Variants in CNTNAP4 observed in about 807,000 individuals in gnomAD.
CNTNAP4 encodes contactin associated protein family member 4, also known as contactin-associated protein-like 4.
A neutral mutation model predicts 148.4 loss-of-function variants in CNTNAP4; 98 were observed. The ratio of observed to expected loss-of-function variants is 0.66; its 90% CI spans 0.56 to 0.78. The LOEUF is 0.78. Ranked by LOEUF, CNTNAP4 falls within the 30% of genes least tolerant of loss-of-function variation. The probability of loss-of-function intolerance (pLI) is 0.00; values close to 1 mark genes in which losing one functional copy is unlikely to be tolerated. For missense variants in CNTNAP4, 1,935 were observed against 1,565.6 expected (o/e 1.24, Z -3.98); for synonymous variants, 730 against 565.1 (o/e 1.29, Z -4.14).
chr16:76,538,390 C>T, intron 19 of CNTNAP4, 50 bp downstream of exon 19: 2 of 1,313,652 alleles, frequency 1.5e-6, no homozygotes, highest in Non-Finnish European at 2.2e-6. Context: ...AACACTAGCT[C>T]TGTAATAATA....
In CNTNAP4 at chr16:76,427,446, T is replaced by G. The variant is rs750133256; in HGVS notation, c.391-6T>G. On this transcript the variant is annotated splice_polypyrimidine_tract_variant and splice_region_variant and intron_variant, in intron 3 of 23. Coordinates refer to ENST00000611870, the MANE Select transcript of CNTNAP4 (RefSeq NM_033401.5). ...CATTGATGTGCTTCTTTCCCTTTTC[T>G]TTTAGGGTTTTTCAGGAAATGCAAA... 1 of 1,601,834 alleles carries G rather than the reference T, an allele frequency of 6.2e-7. No homozygotes were observed.
At chr16:76,494,082 T>TA (rs1004113333) in intron 13 of CNTNAP4, among the ~76,000 whole-genome samples, 2 of 53,864 alleles carry the variant, frequency 3.7e-5, no homozygotes, top group African/African-American at 8.4e-5. Flanking sequence ...TTTTCCTCCA[T>TA]ACTTTTTTTT....
chr16:76,364,967 G>A (rs2013930870), intron 3 of CNTNAP4, among the ~76,000 whole-genome samples: 1 of 152,108 alleles, frequency 6.6e-6, no homozygotes, highest in African/African-American at 2.4e-5. Context: ...GGTCCTGAAT[G>A]GTATTGCCTA....
chr16:76,280,561 T>G (rs1055591016), intron 1 of CNTNAP4, among the ~76,000 whole-genome samples: 1 of 152,164 alleles, frequency 6.6e-6, no homozygotes, highest in East Asian at 1.9e-4. Flanking sequence ...ATATGTTGAA[T>G]GAACCACGCT....
chr16:76,421,039 C>T (rs1170754871), intron 3 of CNTNAP4, among the ~76,000 whole-genome samples: 1 of 151,954 alleles, frequency 6.6e-6, no homozygotes, highest in African/African-American at 2.4e-5. Context: ...TGTGTTTCAA[C>T]AATAGTTACA....
At position 76,447,921 on chromosome 16, in the gene CNTNAP4, T is replaced by C. The variant is rs1346156274; in HGVS notation, c.539-91T>C. ...GTATATGCATGTGTATGAGTACGTA[T>C]ACTGCCTTTTCTCAATATATAATGC... On this transcript the variant is annotated intron_variant, in intron 4 of 23. Coordinates refer to ENST00000611870, the MANE Select transcript of CNTNAP4 (RefSeq NM_033401.5). 11 of 866,056 alleles carry C rather than the reference T, an allele frequency of 1.3e-5. No homozygotes were observed. The East Asian group carries it at 2.8e-4, about 22-fold the overall frequency. The allele number at this position is 866,056 out of a possible 1,614,324, so 53.6% of individuals were successfully genotyped here. A position where few individuals can be genotyped will look rare whatever the true frequency, so the allele number is the denominator to read the frequency against.
intron 7 of CNTNAP4, among the ~76,000 whole-genome samples, chr16:76,450,572 A>G (rs866949764): frequency 1.2e-4 from 18 of 152,360 alleles, no homozygotes; most frequent in Admixed American, 5.9e-4. Context: ...GTATTTTGCC[A>G]TAGTCATTCA....
intron 17 of CNTNAP4, among the ~76,000 whole-genome samples, chr16:76,525,636 TAC>T (rs1179791082): frequency 3.1e-5 from 3 of 97,426 alleles, no homozygotes; most frequent in Admixed American, 1.9e-4. Context: ...AGTTTATAAC[TAC>T]ATATAAACTA....
chr16:76,326,569 C>T (rs907437221), intron 2 of CNTNAP4, among the ~76,000 whole-genome samples: 1 of 152,090 alleles, frequency 6.6e-6, no homozygotes, highest in African/African-American at 2.4e-5. Flanking sequence ...CAATGATAGA[C>T]TGGATTAAGA....
chr16:76,321,145 T>C (rs1311211823), intron 2 of CNTNAP4, among the ~76,000 whole-genome samples: 1 of 152,226 alleles, frequency 6.6e-6, no homozygotes, highest in Non-Finnish European at 1.5e-5. Flanking sequence ...ACCCTTCTAT[T>C]CTAAATGGTT....
At chr16:76,381,340 C>T (rs1469872117) in intron 3 of CNTNAP4, among the ~76,000 whole-genome samples, 3 of 152,054 alleles carry the variant, frequency 2.0e-5, no homozygotes, top group African/African-American at 7.2e-5. Context: ...CCTCCCAGTG[C>T]CCCCTCCCAC....
At chr16:76,332,812 G>T (rs996163348) in intron 2 of CNTNAP4, among the ~76,000 whole-genome samples, 1 of 151,986 alleles carries the variant, frequency 6.6e-6, no homozygotes, top group African/African-American at 2.4e-5. Flanking sequence ...TTCCACTTCA[G>T]TTCAGTTTGG....
Position 76,384,656 on chromosome 16 carries a change from A to G in CNTNAP4, c.390+29145A>G, listed in dbSNP as rs924884933. On this transcript the variant is annotated intron_variant, in intron 3 of 23. Coordinates refer to ENST00000611870, the MANE Select transcript of CNTNAP4 (RefSeq NM_033401.5). ...GATTCCGCGCTCCTCTCTCAGGAACAGTCATGGTAGGCGATTGGAAGTGGC... is the reference window on the plus strand; with the variant it reads ...GATTCCGCGCTCCTCTCTCAGGAACGGTCATGGTAGGCGATTGGAAGTGGC... 2.6e-5 allele frequency among the ~76,000 whole-genome samples: 4 copies of G among 152,264 alleles called. No individual in the cohort carries two copies. In the East Asian group the frequency reaches 5.8e-4, roughly 22 times the overall value.
chr16:76,392,150 C>A (rs895130267), intron 3 of CNTNAP4, among the ~76,000 whole-genome samples: 4 of 152,040 alleles, frequency 2.6e-5, no homozygotes, highest in African/African-American at 4.8e-5. Flanking sequence ...TGTGCCACCA[C>A]ACCCAGCTAA....
intron 21 of CNTNAP4, 106 bp from the exon 22 acceptor site, chr16:76,553,177 T>G: frequency 3.3e-6 from 2 of 599,740 alleles, no homozygotes; most frequent in Non-Finnish European, 5.9e-6. Flanking sequence ...AAAAAGGAAT[T>G]TAGTAACTTT....
chr16:76,515,677 C>G (rs2083218658), intron 15 of CNTNAP4, among the ~76,000 whole-genome samples: 1 of 152,102 alleles, frequency 6.6e-6, no homozygotes, highest in Admixed American at 6.5e-5. Context: ...GAGGTTCAAC[C>G]AAAGAAGGTA....
chr16:76,437,611 T>C (rs761120020), intron 4 of CNTNAP4, among the ~76,000 whole-genome samples: 9 of 152,066 alleles, frequency 5.9e-5, no homozygotes, highest in Non-Finnish European at 8.8e-5. Flanking sequence ...AAAAGCCCCA[T>C]TGATCACCTA....
At chr16:76,474,340 A>C (rs1413499784) in intron 10 of CNTNAP4, among the ~76,000 whole-genome samples, 1 of 152,188 alleles carries the variant, frequency 6.6e-6, no homozygotes, top group East Asian at 1.9e-4. Flanking sequence ...AGAATTGATC[A>C]CTGAAAGTTT....
Position 76,521,234 on chromosome 16 carries a change from T to C in CNTNAP4, c.2460T>C (p.Phe820=), listed in dbSNP as rs749435877. 4 of 1,613,028 alleles carry C rather than the reference T, an allele frequency of 2.5e-6. No homozygotes were observed. The Admixed American group carries it at 6.7e-5, about 27-fold the overall frequency. The change falls in exon 16 of 24, where the codon TTT becomes TTC. Residue 820 remains phenylalanine (F), a synonymous_variant. Coordinates refer to ENST00000611870, the MANE Select transcript of CNTNAP4 (RefSeq NM_033401.5). The stretch of plus-strand genomic sequence containing the variant: ...AACTTAGCGCGGATGTATCTTTCTT[T>C]TTTAAGACAACAGCTTCATCTGGGG... ...HGELSADVSF[F]FKTTASSGVF...
Sources: gnomAD v4.1 joint callset for allele counts (sites outside exome capture counted in the v4.1 genomes callset) on GRCh38, gnomAD v4.1.1 for gene constraint, MANE v1.5 for transcripts, NCBI Gene and HGNC (gene_info 2026-07-23, HGNC 2026-07-21) for gene names.